The following FBXL17 variants were observed in gnomAD, a reference collection of about 807,000 sequenced individuals.
FBXL17 encodes the protein F-box and leucine rich repeat protein 17.
A neutral mutation model predicts 66.2 loss-of-function variants in FBXL17; 22 were observed. The observed-to-expected ratio is 0.33, with a 90% CI of 0.24 to 0.47. The LOEUF is 0.47. Ranked by LOEUF, FBXL17 falls within the 20% of genes least tolerant of loss-of-function variation. The pLI, the probability that FBXL17 is intolerant of heterozygous loss-of-function variation, is 1.00. For synonymous variants in FBXL17, 474 were observed against 400.5 expected (o/e 1.18, Z -2.19); for missense variants, 878 against 948.2 (o/e 0.93, Z 0.97).
At chr5:108,225,650 C>A (rs1334868305) in intron 4 of FBXL17, among the ~76,000 whole-genome samples, 1 of 152,188 alleles carries the variant, frequency 6.6e-6, no homozygotes, top group African/African-American at 2.4e-5. Flanking sequence ...TCTTGGACTT[C>A]CAGGCTCTAG....
chr5:107,999,151 T>A (rs747976148), intron 7 of FBXL17, among the ~76,000 whole-genome samples: 1 of 152,184 alleles, frequency 6.6e-6, no homozygotes, highest in South Asian at 2.1e-4. Context: ...TGTCATATTA[T>A]GTTATATAGG....
At chr5:108,192,038 A>G (rs1319953114) in intron 5 of FBXL17, among the ~76,000 whole-genome samples, 1 of 152,196 alleles carries the variant, frequency 6.6e-6, no homozygotes, top group East Asian at 1.9e-4. Flanking sequence ...TCATTACAAG[A>G]CACAAAACTA....
chr5:107,875,749 C>T (rs1201470878), intron 8 of FBXL17, among the ~76,000 whole-genome samples: 3 of 152,210 alleles, frequency 2.0e-5, no homozygotes, highest in Admixed American at 6.5e-5. Flanking sequence ...CAACTAAGAA[C>T]TTCAGGAATT....
intron 7 of FBXL17, among the ~76,000 whole-genome samples, chr5:107,957,560 C>A (rs976005980): frequency 9.9e-5 from 15 of 152,158 alleles, no homozygotes; most frequent in Non-Finnish European, 1.9e-4. Context: ...GATCTCCATA[C>A]AAATTTTAAC....
intron 6 of FBXL17, among the ~76,000 whole-genome samples, chr5:108,146,969 G>T (rs890115356): frequency 3.9e-5 from 6 of 152,330 alleles, no homozygotes; most frequent in Admixed American, 3.9e-4. Context: ...GGAACTAGCA[G>T]ATTCAACATC....
intron 3 of FBXL17, 24 bp from the exon 4 acceptor site, chr5:108,348,554 A>C: frequency 6.3e-7 from 1 of 1,588,232 alleles, no homozygotes; most frequent in Non-Finnish European, 8.6e-7. Context: ...GATTTAGCTG[A>C]ATGCTCAAAA....
At position 108,175,870 on chromosome 5, in the gene FBXL17, A is replaced by G. The variant is rs116403818; in HGVS notation, c.1745+10247T>C. On this transcript the variant is annotated intron_variant, in intron 6 of 8. Coordinates refer to ENST00000542267, the MANE Select transcript of FBXL17 (RefSeq NM_001163315.3). ...AAGCAAAATCCCTTGCACTAAATTA[A>G]TAACTAATCACAGGAGATATTTATC... 8.2e-3 allele frequency among the ~76,000 whole-genome samples: 1,247 copies of G among 152,324 alleles called. 18 individuals carry two copies. The highest frequency in any genetic ancestry group is 0.028 in the African/African-American group (1,168 of 41,576).
intron 6 of FBXL17, among the ~76,000 whole-genome samples, chr5:108,082,589 T>C (rs1340697336): frequency 6.6e-6 from 1 of 151,604 alleles, no homozygotes; most frequent in Non-Finnish European, 1.5e-5. Flanking sequence ...TTTTTCAACT[T>C]TTCTTTTTTC....
At chr5:108,061,949 T>C (rs957612478) in intron 6 of FBXL17, among the ~76,000 whole-genome samples, 1 of 152,044 alleles carries the variant, frequency 6.6e-6, no homozygotes, top group African/African-American at 2.4e-5. Context: ...AAAGCCCGCA[T>C]ACATAAGTGT....
intron 6 of FBXL17, among the ~76,000 whole-genome samples, chr5:108,169,409 A>C (rs10036056): frequency 0.017 from 2,592 of 152,340 alleles, 64 homozygotes; most frequent in African/African-American, 0.058. Flanking sequence ...ATGTTATAGA[A>C]AACAACTGTT....
intron 6 of FBXL17, among the ~76,000 whole-genome samples, chr5:108,136,144 G>T (rs886556005): frequency 6.6e-6 from 1 of 152,066 alleles, no homozygotes; most frequent in Non-Finnish European, 1.5e-5. Flanking sequence ...ATATGTAAAA[G>T]AAAAATATGC....
chr5:108,014,844 T>C (rs1754319030), intron 7 of FBXL17, among the ~76,000 whole-genome samples: 1 of 152,134 alleles, frequency 6.6e-6, no homozygotes, highest in Admixed American at 6.6e-5. Flanking sequence ...CTCACAATCA[T>C]GGTGGAAGGC....
intron 7 of FBXL17, 122 bp from the exon 8 acceptor site, chr5:107,881,301 G>A (rs1242088510): frequency 2.4e-5 from 14 of 594,966 alleles, no homozygotes; most frequent in Admixed American, 9.1e-5. Flanking sequence ...GTAAATGAAC[G>A]TTTTATAAAC....
intron 4 of FBXL17, among the ~76,000 whole-genome samples, chr5:108,294,898 A>T (rs1322057067): frequency 6.6e-6 from 1 of 152,122 alleles, no homozygotes; most frequent in Non-Finnish European, 1.5e-5. Context: ...ATGTTACTAC[A>T]TTCAGCCTAT....
chr5:107,887,464 A>C (rs1749012716), intron 7 of FBXL17, among the ~76,000 whole-genome samples: 1 of 152,188 alleles, frequency 6.6e-6, no homozygotes, highest in South Asian at 2.1e-4. Context: ...ACCTGTAATA[A>C]AATCAGAAGA....
intron 4 of FBXL17, among the ~76,000 whole-genome samples, chr5:108,335,864 T>C (rs1287573642): frequency 6.6e-6 from 1 of 152,150 alleles, no homozygotes; most frequent in Non-Finnish European, 1.5e-5. Context: ...GGACTAACTT[T>C]ATAGCAGAAA....
At chr5:107,862,516 C>T (rs1461018873) in intron 8 of FBXL17, among the ~76,000 whole-genome samples, 3 of 152,132 alleles carry the variant, frequency 2.0e-5, no homozygotes, top group Non-Finnish European at 2.9e-5. Flanking sequence ...TTTACAATTG[C>T]TGTGCTGTGA....
At chr5:108,053,781 A>G (rs1256300634) in intron 6 of FBXL17, among the ~76,000 whole-genome samples, 2 of 152,240 alleles carry the variant, frequency 1.3e-5, no homozygotes, top group African/African-American at 4.8e-5. Flanking sequence ...AAAGGAATAT[A>G]CATCATTCTA....
At chr5:108,308,818 T>C (rs190578357) in intron 4 of FBXL17, among the ~76,000 whole-genome samples, 2 of 152,204 alleles carry the variant, frequency 1.3e-5, no homozygotes, top group East Asian at 3.9e-4. Flanking sequence ...AATTTTTAAA[T>C]GGCTAACATA....
Sources: allele counts gnomAD v4.1 joint callset (sites outside exome capture counted in the v4.1 genomes callset), GRCh38; gene constraint gnomAD v4.1.1; transcripts MANE v1.5; gene names NCBI Gene and HGNC (gene_info 2026-07-23, HGNC 2026-07-21).